The following GRID2 variants were observed in gnomAD, a reference collection of about 807,000 sequenced individuals.
GRID2 encodes glutamate ionotropic receptor delta type subunit 2.
In GRID2, 33 loss-of-function variants were observed where a neutral mutation model predicts 114.8. The observed-to-expected ratio is 0.29, with a 90% CI of 0.22 to 0.38. The LOEUF is 0.38. Among genes scored for constraint, GRID2 ranks in the 10% least tolerant of loss-of-function variants. GRID2 has a pLI of 1.00. For synonymous variants in GRID2, 505 were observed against 449.9 expected, an observed-to-expected ratio of 1.12 and a Z score of -1.55; for missense variants, 1,184 against 1,257.7, an observed-to-expected ratio of 0.94 and a Z score of 0.89.
At chr4:93,538,719 A>G (rs1732355859) in intron 13 of GRID2, among the ~76,000 whole-genome samples, 1 of 151,836 alleles carries the variant, frequency 6.6e-6, no homozygotes, top group South Asian at 2.1e-4. Flanking sequence ...CAGATAAACC[A>G]AAATTAAGGG....
chr4:93,440,488 G>T (rs977401407), intron 10 of GRID2, among the ~76,000 whole-genome samples: 2 of 152,020 alleles, frequency 1.3e-5, no homozygotes, highest in Non-Finnish European at 2.9e-5. Context: ...CTGTACACAG[G>T]CAGGAAGTTA....
intron 2 of GRID2, among the ~76,000 whole-genome samples, chr4:92,773,548 CCTT>C (rs1411791822): frequency 2.0e-5 from 3 of 151,892 alleles, no homozygotes; most frequent in African/African-American, 4.8e-5. Flanking sequence ...AGTCTTTCTA[CCTT>C]CTTTTAAAGT....
intron 8 of GRID2, among the ~76,000 whole-genome samples, chr4:93,390,553 G>A (rs1455258706): frequency 6.6e-6 from 1 of 152,160 alleles, no homozygotes; most frequent in African/African-American, 2.4e-5. Context: ...CGCAAAGTAA[G>A]TGTTAGAACA....
chr4:93,600,796 G>A (rs1428078357), intron 13 of GRID2, among the ~76,000 whole-genome samples: 1 of 152,138 alleles, frequency 6.6e-6, no homozygotes, highest in Non-Finnish European at 1.5e-5. Context: ...TGGGGAAATG[G>A]AAAAGCATAG....
At chr4:92,870,041 A>T (rs1036337728) in intron 2 of GRID2, among the ~76,000 whole-genome samples, 15 of 143,594 alleles carry the variant, frequency 1.0e-4, no homozygotes, top group Admixed American at 4.2e-4. Context: ...CAAAAAAATT[A>T]AAAAAAAAAA....
rs199601694 is a variant in GRID2 at position 93,257,997 on chromosome 4, T to C, written c.1245+19507T>C. On this transcript the variant is annotated intron_variant, in intron 8 of 15. Coordinates refer to ENST00000282020, the MANE Select transcript of GRID2 (RefSeq NM_001510.4). ...GTGTGTGTATATATATATATATATA[T>C]ATACACACACACACACACACACACA... 6.0e-4 allele frequency among the ~76,000 whole-genome samples: 10 copies of C among 16,628 alleles called. 1 individual carries two copies. The East Asian group carries it at 6.3e-3, about 10-fold the overall frequency. The allele number at this position is 16,628 out of a possible 152,430, so 10.9% of individuals were successfully genotyped here.
intron 2 of GRID2, among the ~76,000 whole-genome samples, chr4:92,861,439 A>T (rs936872475): frequency 7.9e-5 from 12 of 152,114 alleles, no homozygotes; most frequent in African/African-American, 2.7e-4. Flanking sequence ...TGAGAATTCT[A>T]TCTACCAAAG....
At chr4:93,408,104 T>C (rs1174454488) in intron 9 of GRID2, among the ~76,000 whole-genome samples, 2 of 152,108 alleles carry the variant, frequency 1.3e-5, no homozygotes, top group South Asian at 2.1e-4. Flanking sequence ...TGAAGTCTAC[T>C]GGGGAATAAA....
chr4:92,677,112 G>A (rs1391723803), intron 2 of GRID2, among the ~76,000 whole-genome samples: 1 of 152,148 alleles, frequency 6.6e-6, no homozygotes, highest in Non-Finnish European at 1.5e-5. Context: ...CCAGGGGTTG[G>A]GAAGAGAGGA....
chr4:93,094,872 A>G (rs1233395989), intron 3 of GRID2, among the ~76,000 whole-genome samples: 2 of 151,904 alleles, frequency 1.3e-5, no homozygotes, highest in Non-Finnish European at 2.9e-5. Context: ...AAGTAACTAC[A>G]AATAAATAAA....
At chr4:93,709,734 A>G (rs1221770966) in intron 14 of GRID2, among the ~76,000 whole-genome samples, 1 of 151,930 alleles carries the variant, frequency 6.6e-6, no homozygotes, top group Non-Finnish European at 1.5e-5. Flanking sequence ...CTTTAAGGCT[A>G]TTTTCTGTAT....
intron 2 of GRID2, among the ~76,000 whole-genome samples, chr4:92,985,008 T>C (rs1754421308): frequency 6.6e-6 from 1 of 152,068 alleles, no homozygotes. Flanking sequence ...TTTTCTTTAC[T>C]GTAACACTGT....
intron 2 of GRID2, among the ~76,000 whole-genome samples, chr4:93,053,280 TA>T (rs1263162873): frequency 3.9e-5 from 6 of 151,960 alleles, no homozygotes; most frequent in Non-Finnish European, 7.4e-5. Flanking sequence ...ATATGTGTAT[TA>T]CTGAGCCCTT....
chr4:92,426,678 T>C (rs890530629), intron 1 of GRID2, among the ~76,000 whole-genome samples: 1 of 152,138 alleles, frequency 6.6e-6, no homozygotes, highest in African/African-American at 2.4e-5. Context: ...TATCTTTCCT[T>C]TGATTTGTTG....
chr4:93,679,570 C>T (rs1441069416), intron 14 of GRID2, among the ~76,000 whole-genome samples: 1 of 150,906 alleles, frequency 6.6e-6, no homozygotes, highest in Non-Finnish European at 1.5e-5. Flanking sequence ...GAAATTATAA[C>T]AAACTGTCTC....
At chr4:92,454,277 C>G (rs1361646842) in intron 1 of GRID2, among the ~76,000 whole-genome samples, 1 of 152,014 alleles carries the variant, frequency 6.6e-6, no homozygotes, top group Non-Finnish European at 1.5e-5. Context: ...TTATTCATTA[C>G]CTGATCAGCA....
chr4:93,583,057 G>C (rs1737142137), intron 13 of GRID2, among the ~76,000 whole-genome samples: 1 of 152,240 alleles, frequency 6.6e-6, no homozygotes, highest in East Asian at 1.9e-4. Flanking sequence ...GCTTGTGGGA[G>C]CATCACTCCC....
chr4:92,643,454 C>T (rs1471885068), intron 2 of GRID2, among the ~76,000 whole-genome samples: 1 of 151,734 alleles, frequency 6.6e-6, no homozygotes, highest in Non-Finnish European at 1.5e-5. Flanking sequence ...TGCCAAAAGG[C>T]TGCTGGAACT....
At chr4:92,490,246 G>A (rs568211436) in intron 1 of GRID2, among the ~76,000 whole-genome samples, 6 of 152,066 alleles carry the variant, frequency 3.9e-5, no homozygotes, top group African/African-American at 4.8e-5. Context: ...AACCTTTATC[G>A]TATTCAAAAT....
Sources: allele counts gnomAD v4.1 joint callset (sites outside exome capture counted in the v4.1 genomes callset), GRCh38; gene constraint gnomAD v4.1.1; transcripts MANE v1.5; gene names NCBI Gene and HGNC (gene_info 2026-07-23, HGNC 2026-07-21).